DNAH7: variants seen among roughly 807,000 people sequenced by gnomAD.
DNAH7 encodes the protein dynein axonemal heavy chain 7, also known as axonemal beta dynein heavy chain 7.
In DNAH7, 397 loss-of-function variants were observed where a neutral mutation model predicts 444.6. The observed-to-expected ratio is 0.89, with a 90% CI of 0.82 to 0.97. DNAH7 has a LOEUF of 0.97. Among genes scored for constraint, DNAH7 ranks in the 50% least tolerant of loss-of-function variants. The pLI, the probability that DNAH7 is intolerant of heterozygous loss-of-function variation, is 0.00. For missense variants in DNAH7, 4,902 were observed against 4,800.8 expected (o/e 1.02, Z -0.62); for synonymous variants, 1,636 against 1,624.4 (o/e 1.01, Z -0.17).
In DNAH7 at chr2:195,966,298, C is replaced by T. The variant is rs1003278994; in HGVS notation, c.2205+3650G>A. Among the ~76,000 whole-genome samples, 47 of 152,166 alleles carry T rather than the reference C, an allele frequency of 3.1e-4. 1 individual carries two copies. Among genetic ancestry groups the T allele is most frequent in the African/African-American group, 1.1e-3 (44 of 41,532 alleles). On this transcript the variant is annotated intron_variant, in intron 17 of 64. Coordinates refer to ENST00000312428, the MANE Select transcript of DNAH7 (RefSeq NM_018897.3). ...TTATTAATTTCTAGTTTTATTCCAC[C>T]GTGGTCAGAGAAGATGCTTGATATC...
At chr2:196,048,440 T>A (rs377603749) in intron 3 of DNAH7, 36 bp from the exon 4 acceptor site, 3 of 1,580,988 alleles carry the variant, frequency 1.9e-6, no homozygotes, top group African/African-American at 2.7e-5. Flanking sequence ...TAACAAACAA[T>A]ATCAGAAAAA....
chr2:196,046,428 A>AC (rs1697130133), intron 5 of DNAH7, among the ~76,000 whole-genome samples: 1 of 152,090 alleles, frequency 6.6e-6, no homozygotes, highest in Admixed American at 6.5e-5. Context: ...GGCTCCAGGT[A>AC]GAAAAAAAAA....
chr2:195,877,047 T>A (rs1335765018), intron 36 of DNAH7, among the ~76,000 whole-genome samples: 1 of 152,246 alleles, frequency 6.6e-6, no homozygotes, highest in African/African-American at 2.4e-5. Flanking sequence ...TTCTTTTTCA[T>A]ATATCTTATT....
At chr2:195,800,219 A>G (rs1696380304) in intron 54 of DNAH7, among the ~76,000 whole-genome samples, 1 of 152,164 alleles carries the variant, frequency 6.6e-6, no homozygotes. Flanking sequence ...CAACACCGCC[A>G]CATTTGGGAC....
At position 195,923,669 on chromosome 2, in the gene DNAH7, A is replaced by T; in HGVS notation, c.3751T>A (p.Ser1251Thr). 6.2e-7 allele frequency: 1 copy of T among 1,614,170 alleles called. No homozygotes were observed. The highest frequency in any genetic ancestry group is 8.5e-7 in the Non-Finnish European group (1 of 1,180,026). The change falls in exon 23 of 65, where the codon TCA (serine) becomes ACA (threonine). Residue 1251 changes from serine to threonine, a missense_variant. Coordinates refer to ENST00000312428, the MANE Select transcript of DNAH7 (RefSeq NM_018897.3). ...CTAATATTTTTTTTTACAAGTGATG[A>T]GAGGACATCTCTAGCATGGACATCC... ...VLDVHARDVL[S>T]SLVKKNISDD...
intron 48 of DNAH7, among the ~76,000 whole-genome samples, chr2:195,828,181 G>A (rs1697875046): frequency 2.0e-5 from 3 of 152,130 alleles, no homozygotes; most frequent in African/African-American, 7.2e-5. Context: ...GTTTTGTCAA[G>A]TATCAAGACA....
Position 195,984,629 on chromosome 2 carries a change from T to C in DNAH7, c.1833+3A>G, listed in dbSNP as rs1640908594. On this transcript the variant is annotated splice_donor_region_variant and intron_variant, in intron 15 of 64. Transcript: ENST00000312428. ...ACAATTATGGAGAAGCTATAAACAATACCTTCATTTCCATTAGTTCTGCTG... is the reference window on the plus strand; with the variant it reads ...ACAATTATGGAGAAGCTATAAACAACACCTTCATTTCCATTAGTTCTGCTG... 1 of 1,612,948 alleles carries C rather than the reference T, an allele frequency of 6.2e-7. No homozygotes were observed. Among genetic ancestry groups the C allele is most frequent in the Non-Finnish European group, 8.5e-7 (1 of 1,179,158 alleles).
chr2:196,017,369 C>A (rs2125741761), intron 9 of DNAH7, among the ~76,000 whole-genome samples: 2 of 152,246 alleles, frequency 1.3e-5, no homozygotes, highest in South Asian at 4.1e-4. Context: ...AATATAAAAA[C>A]TTAATAAATT....
In DNAH7 at chr2:195,957,404, C is replaced by A; in HGVS notation, c.2935G>T (p.Glu979Ter). Reference protein sequence around the residue: ...KLLLLQEILDEWLKVQATWLY... With the variant: ...KLLLLQEILD ...CACGTGGCTTGGACTTTGAGCCATTCATCCAGAATCTCCTGAAGCAGTAGG... is the reference window on the plus strand; with the variant it reads ...CACGTGGCTTGGACTTTGAGCCATTAATCCAGAATCTCCTGAAGCAGTAGG... The change falls in exon 19 of 65, where the codon GAA (glutamate) becomes TAA (stop). Residue 979 changes from glutamate (E) to a stop codon, truncating the protein, a stop_gained. Transcript: ENST00000312428. LOFTEE classifies it high-confidence loss of function. The A allele has an allele frequency of 6.3e-7, 1 of 1,595,542 alleles. No individual in the cohort carries two copies. The highest frequency in any genetic ancestry group is 8.6e-7 in the Non-Finnish European group (1 of 1,166,378).
chr2:195,759,057 AG>A (rs1694218465), intron 61 of DNAH7, among the ~76,000 whole-genome samples: 1 of 152,210 alleles, frequency 6.6e-6, no homozygotes, highest in Non-Finnish European at 1.5e-5. Flanking sequence ...GACACCTGCC[AG>A]GGTGGTTAAT....
At chr2:196,041,942 C>A (rs1398001788) in intron 5 of DNAH7, among the ~76,000 whole-genome samples, 2 of 151,796 alleles carry the variant, frequency 1.3e-5, no homozygotes, top group Non-Finnish European at 2.9e-5. Context: ...GTACATATGG[C>A]CAACAGATGT....
intron 22 of DNAH7, among the ~76,000 whole-genome samples, chr2:195,925,008 A>G (rs987686003): frequency 1.3e-5 from 2 of 152,218 alleles, no homozygotes; most frequent in Non-Finnish European, 2.9e-5. Flanking sequence ...AGCCATTGCT[A>G]AGTGGCAGCA....
At chr2:195,741,854 A>G (rs1693056530) in intron 63 of DNAH7, among the ~76,000 whole-genome samples, 1 of 152,126 alleles carries the variant, frequency 6.6e-6, no homozygotes, top group Admixed American at 6.5e-5. Flanking sequence ...CGCTAGCTAT[A>G]AGAGGCTGGT....
rs1280689019 is a variant in DNAH7 at position 195,884,808 on chromosome 2, C to T, written c.5540G>A (p.Gly1847Asp). Residue 1847 changes from glycine to aspartate, a missense_variant and splice_region_variant, in exon 35 of 65, where the codon GGC becomes GAC. By Grantham distance (94) the Gly-to-Asp change is moderately conservative (BLOSUM62 -1). Transcript: ENST00000312428. ...CCAGATCAATGAAAACAGAAAAATGCCCTGCATTGGACAGATGAGAAGATT... is the reference window on the plus strand; with the variant it reads ...CCAGATCAATGAAAACAGAAAAATGTCCTGCATTGGACAGATGAGAAGATT... ...NDRETYSLLEGIFLFSLIWSV... is the reference protein window; with the variant it reads ...NDRETYSLLEDIFLFSLIWSV... The T allele has an allele frequency of 3.7e-6, 6 of 1,610,018 alleles. No homozygotes were observed. The highest frequency in any genetic ancestry group is 5.1e-6 in the Non-Finnish European group (6 of 1,177,926).
At chr2:195,870,429 T>C (rs899373761) in intron 40 of DNAH7, among the ~76,000 whole-genome samples, 1 of 152,146 alleles carries the variant, frequency 6.6e-6, no homozygotes, top group African/African-American at 2.4e-5. Flanking sequence ...AAGAGTGTTC[T>C]AGGCAGAAGG....
intron 44 of DNAH7, 97 bp downstream of exon 44, chr2:195,857,280 A>G: frequency 9.4e-7 from 1 of 1,058,904 alleles, no homozygotes; most frequent in Non-Finnish European, 1.3e-6. Flanking sequence ...TTTTCCAAGG[A>G]GCCTCTCACT....
chr2:195,759,746 G>A (rs546134530), intron 61 of DNAH7, among the ~76,000 whole-genome samples: 1 of 152,080 alleles, frequency 6.6e-6, no homozygotes, highest in African/African-American at 2.4e-5. Context: ...CAGCTGCTTG[G>A]GGGGCTGAGG....
At chr2:195,935,437 T>C (rs1401466001) in intron 20 of DNAH7, among the ~76,000 whole-genome samples, 1 of 152,196 alleles carries the variant, frequency 6.6e-6, no homozygotes, top group Non-Finnish European at 1.5e-5. Context: ...TTAGATTACA[T>C]ATCCCCTACT....
rs540840536 is a variant in DNAH7, at chr2:195,872,434, G to A, written c.6449C>T (p.Thr2150Ile). 1.2e-6 allele frequency: 2 copies of A among 1,604,006 alleles called. No homozygotes were observed. Among genetic ancestry groups the A allele is most frequent in the Admixed American group, 1.7e-5 (1 of 59,478 alleles). Residue 2150 changes from threonine to isoleucine, a missense_variant, in exon 40 of 65, where the codon ACA (threonine) becomes ATA (isoleucine). Thr to Ile is a moderately conservative substitution (Grantham distance 89). Coordinates refer to ENST00000312428, the MANE Select transcript of DNAH7 (RefSeq NM_018897.3). ...AGTCATTGTGCCATTTACGATTTGT[G>A]TGGTCAAATCTAGAAATTCATCTGG... ...KFPDEFLDLT[T>I]QIVNGTMTLY...
Sources: allele counts gnomAD v4.1 joint callset (sites outside exome capture counted in the v4.1 genomes callset), GRCh38; gene constraint gnomAD v4.1.1; transcripts MANE v1.5; gene names NCBI Gene and HGNC (gene_info 2026-07-23, HGNC 2026-07-21).